GABRG3: variants seen among roughly 807,000 people sequenced by gnomAD.
GABRG3 encodes the protein gamma-aminobutyric acid receptor subunit gamma-3.
GABRG3 carries 25 observed loss-of-function variants against 48.8 expected under a neutral mutation model. That is an observed-to-expected ratio of 0.51 (90% CI 0.37 to 0.72). The LOEUF is 0.72. GABRG3 is among the 30% of genes least tolerant of loss of function. The pLI is 0.00. For synonymous variants in GABRG3, 227 were observed against 217.6 expected (o/e 1.04, Z -0.38); for missense variants, 394 against 577.9 (o/e 0.68, Z 3.26).
chr15:27,014,554 T>G lies in GABRG3; in HGVS notation c.203-12200T>G, dbSNP rs185733467. Among the ~76,000 whole-genome samples the G allele has an allele frequency of 1.2e-3, 183 of 152,286 alleles. 1 individual carries two copies. The highest frequency in any genetic ancestry group is 4.3e-3 in the African/African-American group (180 of 41,576). On this transcript the variant is annotated intron_variant, in intron 2 of 9. Coordinates refer to ENST00000615808, the MANE Select transcript of GABRG3 (RefSeq NM_033223.5). The stretch of plus-strand genomic sequence containing the variant: ...GTGATTTCTCCTTCGACCCTTTGGT[T>G]GTTTAAGAGTAAATTATTCAATTTC...
intron 3 of GABRG3, among the ~76,000 whole-genome samples, chr15:27,232,177 A>AT (rs1388418195): frequency 1.3e-5 from 2 of 152,222 alleles, no homozygotes; most frequent in Non-Finnish European, 2.9e-5. Context: ...ATAATGGAGT[A>AT]AAATTCAATT....
At chr15:27,527,671 C>A in intron 8 of GABRG3, 42 bp downstream of exon 8, 1 of 1,531,632 alleles carries the variant, frequency 6.5e-7, no homozygotes, top group Non-Finnish European at 8.9e-7. Flanking sequence ...GTAATGGGGG[C>A]GCTGTTTGAG....
intron 3 of GABRG3, among the ~76,000 whole-genome samples, chr15:27,054,109 C>T (rs968460261): frequency 5.3e-5 from 8 of 151,984 alleles, no homozygotes; most frequent in East Asian, 3.9e-4. Flanking sequence ...AAAAATAGCA[C>T]GCACCTGTAA....
rs769494564 is a variant in GABRG3 at position 27,532,623 on chromosome 15, G to A, written c.1146G>A (p.Arg382=). ...AGAACTATTCCCTCCTGGACATGAG[G>A]CCACCACCAACTGCGATGATCACTT... The part of the protein sequence containing the change: ...APSNYSLLDM[R]PPPTAMITLN... Residue 382 remains arginine (R), a synonymous_variant, in exon 10 of 10, where the codon AGG becomes AGA. Transcript: ENST00000615808. 27 of 1,613,744 alleles carry A rather than the reference G, an allele frequency of 1.7e-5. No homozygotes were observed. The East Asian group carries it at 5.1e-4, about 31-fold the overall frequency.
intron 3 of GABRG3, among the ~76,000 whole-genome samples, chr15:27,084,890 G>A (rs528638053): frequency 1.1e-4 from 17 of 152,168 alleles, no homozygotes; most frequent in African/African-American, 1.9e-4. Context: ...AACATAAAAC[G>A]TGGCTCTCCT....
chr15:27,453,580 C>T (rs1180445584), intron 5 of GABRG3, among the ~76,000 whole-genome samples: 4 of 152,076 alleles, frequency 2.6e-5, no homozygotes, highest in Non-Finnish European at 4.4e-5. Context: ...TGCAAAACAA[C>T]ACAGACTTTA....
Position 27,036,829 on chromosome 15 carries a change from A to C in GABRG3, c.270+10008A>C, listed in dbSNP as rs73367766. 3.6e-3 allele frequency among the ~76,000 whole-genome samples: 544 copies of C among 152,330 alleles called. 5 individuals are homozygous for C. Among genetic ancestry groups the C allele is most frequent in the African/African-American group, 0.012 (512 of 41,570 alleles). ...GATGGAGCCTTTCATATGTTGAATTATGTCCCCCACAAAAGGTATACGTTG... is the reference window on the plus strand; with the variant it reads ...GATGGAGCCTTTCATATGTTGAATTCTGTCCCCCACAAAAGGTATACGTTG... On this transcript the variant is annotated intron_variant, in intron 3 of 9. Transcript: ENST00000615808.
chr15:27,281,778 A>T (rs1222982453), intron 3 of GABRG3, among the ~76,000 whole-genome samples: 1 of 151,918 alleles, frequency 6.6e-6, no homozygotes, highest in African/African-American at 2.4e-5. Context: ...TAATAAATAT[A>T]TTTTTTAAAA....
In GABRG3 at chr15:26,976,030, G is replaced by A. The variant is rs922502844; in HGVS notation, c.54-972G>A. Among the ~76,000 whole-genome samples, 4 of 152,028 alleles carry A rather than the reference G, an allele frequency of 2.6e-5. No individual in the cohort carries two copies. The highest frequency in any genetic ancestry group is 4.2e-4 in the South Asian group (2 of 4,818). Reference sequence around the variant, plus strand: ...GCCCAAATAACTATGGTGTTGAGACGGCCTCACTCATTGAGAAAACCAGCT... The same window carrying A: ...GCCCAAATAACTATGGTGTTGAGACAGCCTCACTCATTGAGAAAACCAGCT... On this transcript the variant is annotated intron_variant, in intron 1 of 9. Transcript: ENST00000615808. The surrounding 1 kb of genome is among the most constrained non-coding windows in gnomAD (Gnocchi z 7.8).
At position 27,236,594 on chromosome 15, in the gene GABRG3, C is replaced by G. The variant is rs1273496079; in HGVS notation, c.271-90215C>G. 6.6e-6 allele frequency among the ~76,000 whole-genome samples: 1 copy of G among 152,212 alleles called. No homozygotes were observed. Among genetic ancestry groups the G allele is most frequent in the Non-Finnish European group, 1.5e-5 (1 of 68,042 alleles). ...GGCCAGGATCAGACTCCGCCTCCCT[C>G]TTTACAGCCTCAGCGTGACAGCCCA... On this transcript the variant is annotated intron_variant, in intron 3 of 9. Coordinates refer to ENST00000615808, the MANE Select transcript of GABRG3 (RefSeq NM_033223.5). This position sits in a 1 kb window ranked among gnomAD's most constrained non-coding sequence, Gnocchi z 4.4.
chr15:27,509,257 G>A (rs1028684692), intron 6 of GABRG3, among the ~76,000 whole-genome samples: 3 of 152,104 alleles, frequency 2.0e-5, no homozygotes, highest in African/African-American at 7.2e-5. Flanking sequence ...TCCCTTGGCT[G>A]CTTCCAAAAT....
chr15:27,315,164 T>G (rs1280301235), intron 3 of GABRG3, among the ~76,000 whole-genome samples: 1 of 152,216 alleles, frequency 6.6e-6, no homozygotes, highest in Admixed American at 6.5e-5. Flanking sequence ...TCTTTTATTT[T>G]AAAAAGAATT....
In GABRG3 at chr15:27,533,700, A is replaced by T. The variant is rs1891484281; in HGVS notation, c.*819A>T. 1 of 152,156 alleles carries T rather than the reference A, an allele frequency of 6.6e-6. No homozygotes were observed. Among genetic ancestry groups the T allele is most frequent in the Admixed American group, 6.5e-5 (1 of 15,276 alleles). The allele number at this position is 152,156 out of a possible 1,614,324, so 9.4% of individuals were successfully genotyped here. A position where few individuals can be genotyped will look rare whatever the true frequency, so the allele number is the denominator to read the frequency against. On this transcript the variant is annotated 3_prime_UTR_variant, in exon 10 of 10. Transcript: ENST00000615808. ...TCACTAGACCAACGCTCAACCCTCG[A>T]GTATGTGTCCAGCTTATGTTATATT...
chr15:27,401,155 C>T (rs916051290), intron 5 of GABRG3, among the ~76,000 whole-genome samples: 6 of 152,210 alleles, frequency 3.9e-5, no homozygotes, highest in African/African-American at 1.2e-4. Flanking sequence ...GTGCCATTTT[C>T]GTTCCTTACT....
Position 27,251,843 on chromosome 15 carries a change from G to A in GABRG3, c.271-74966G>A, listed in dbSNP as rs1034007468. ...ACAGAGGGGGCTGGAGGCTTTCTCTGCTGGGTCCTACCCCCTGTCTCTGCC... is the reference window on the plus strand; with the variant it reads ...ACAGAGGGGGCTGGAGGCTTTCTCTACTGGGTCCTACCCCCTGTCTCTGCC... On this transcript the variant is annotated intron_variant, in intron 3 of 9. Coordinates refer to ENST00000615808, the MANE Select transcript of GABRG3 (RefSeq NM_033223.5). Among the ~76,000 whole-genome samples the A allele has an allele frequency of 2.6e-5, 4 of 152,186 alleles. No homozygotes were observed. The East Asian group carries it at 7.8e-4, about 30-fold the overall frequency.
intron 3 of GABRG3, among the ~76,000 whole-genome samples, chr15:27,233,774 T>C (rs961639540): frequency 3.9e-5 from 6 of 152,272 alleles, no homozygotes; most frequent in African/African-American, 1.4e-4. Flanking sequence ...CTGTACAAAC[T>C]ACCAGGGAAC....
intron 3 of GABRG3, among the ~76,000 whole-genome samples, chr15:27,237,613 G>A (rs1211528041): frequency 1.3e-5 from 2 of 152,232 alleles, no homozygotes; most frequent in Non-Finnish European, 2.9e-5. Context: ...GAAGCAAATG[G>A]TGTCACAGAA....
intron 5 of GABRG3, among the ~76,000 whole-genome samples, chr15:27,385,481 C>T (rs570475548): frequency 2.6e-5 from 4 of 152,042 alleles, no homozygotes; most frequent in East Asian, 3.9e-4. Context: ...TCTCTCCTCT[C>T]GTTCTGGTAC....
At chr15:27,418,069 C>T (rs542628314) in intron 5 of GABRG3, among the ~76,000 whole-genome samples, 6 of 152,294 alleles carry the variant, frequency 3.9e-5, no homozygotes, top group Admixed American at 2.6e-4. Flanking sequence ...TGAAGATCAG[C>T]ATGAGCAAAA....
Sources: gnomAD v4.1 joint callset for allele counts (sites outside exome capture counted in the v4.1 genomes callset) on GRCh38, gnomAD v4.1.1 for gene constraint, Gnocchi (gnomAD v3.1) non-coding constraint, MANE v1.5 for transcripts, NCBI Gene and HGNC (gene_info 2026-07-23, HGNC 2026-07-21) for gene names.